The following CDH18 variants were observed in gnomAD, a reference collection of about 807,000 sequenced individuals.
The protein encoded by CDH18 is cadherin-18.
CDH18 carries 31 observed loss-of-function variants against 67.9 expected under a neutral mutation model. The ratio of observed to expected loss-of-function variants is 0.46; its 90% CI spans 0.34 to 0.62. The LOEUF (loss-of-function observed/expected upper bound fraction) is 0.62. Among genes scored for constraint, CDH18 ranks in the 20% least tolerant of loss-of-function variants. The pLI is 0.01. For synonymous variants in CDH18, 362 were observed against 347.2 expected, an observed-to-expected ratio of 1.04 and a Z score of -0.48; for missense variants, 890 against 975.5, an observed-to-expected ratio of 0.91 and a Z score of 1.17.
intron 2 of CDH18, among the ~76,000 whole-genome samples, chr5:20,211,157 G>T (rs1436008688): frequency 6.6e-6 from 1 of 152,044 alleles, no homozygotes; most frequent in Non-Finnish European, 1.5e-5. Flanking sequence ...CCTATTAAGT[G>T]TCCAATAGCA....
chr5:19,960,546 CGT>C (rs377666674), intron 2 of CDH18, among the ~76,000 whole-genome samples: 33 of 128,064 alleles, frequency 2.6e-4, no homozygotes, highest in African/African-American at 1.1e-3. Context: ...GTTTAATATA[CGT>C]GTGTGTGTGT....
intron 1 of CDH18, among the ~76,000 whole-genome samples, chr5:20,535,481 C>G (rs56306840): frequency 0.17 from 26,502 of 152,026 alleles, 2,835 homozygotes; most frequent in East Asian, 0.38. Context: ...CCAGCTTTAA[C>G]ATCCATAACT....
At chr5:20,281,087 T>C (rs1746227413) in intron 1 of CDH18, among the ~76,000 whole-genome samples, 1 of 152,180 alleles carries the variant, frequency 6.6e-6, no homozygotes, top group South Asian at 2.1e-4. Flanking sequence ...GTTTGAGTTC[T>C]TTGTGGATTC....
At chr5:20,286,459 T>C (rs1022883871) in intron 1 of CDH18, among the ~76,000 whole-genome samples, 3 of 151,756 alleles carry the variant, frequency 2.0e-5, no homozygotes, top group African/African-American at 2.4e-5. Flanking sequence ...CCATCATGCA[T>C]ATATTTTAAT....
At chr5:19,787,806 C>T (rs1775965676) in intron 3 of CDH18, among the ~76,000 whole-genome samples, 2 of 96,592 alleles carry the variant, frequency 2.1e-5, no homozygotes, top group Non-Finnish European at 4.1e-5. Flanking sequence ...CAGTAATTTA[C>T]AGTTATATAT....
intron 8 of CDH18, among the ~76,000 whole-genome samples, chr5:19,563,491 G>C (rs570645962): frequency 2.0e-5 from 3 of 152,216 alleles, no homozygotes; most frequent in African/African-American, 7.2e-5. Flanking sequence ...CTAGCTTCTT[G>C]TTTTCAACAT....
chr5:20,305,539 G>A, intron 1 of CDH18: 2 of 795,966 alleles, frequency 2.5e-6, no homozygotes, highest in Non-Finnish European at 4.3e-6. Flanking sequence ...GTCTCGAGCG[G>A]CTGGTGGTCG....
intron 1 of CDH18, among the ~76,000 whole-genome samples, chr5:20,296,166 G>A (rs565659178): frequency 1.9e-3 from 281 of 146,854 alleles, no homozygotes; most frequent in African/African-American, 6.6e-3. Flanking sequence ...CAGCCATCGC[G>A]CCTGGCCGAC....
chr5:19,590,748 T>G (rs1444374917), intron 7 of CDH18, among the ~76,000 whole-genome samples: 2 of 152,134 alleles, frequency 1.3e-5, no homozygotes, highest in African/African-American at 4.8e-5. Context: ...GAAATTACTT[T>G]TATTTAATTC....
chr5:19,743,078 T>C (rs1322080649), intron 4 of CDH18, among the ~76,000 whole-genome samples: 3 of 152,212 alleles, frequency 2.0e-5, no homozygotes, highest in African/African-American at 7.2e-5. Context: ...ATATCTTCTG[T>C]GCATGTACAT....
chr5:20,282,296 T>G (rs575233100), intron 1 of CDH18, among the ~76,000 whole-genome samples: 4 of 152,302 alleles, frequency 2.6e-5, no homozygotes, highest in Non-Finnish European at 5.9e-5. Flanking sequence ...CGTGCCAGTT[T>G]TCAAAGGGAA....
intron 3 of CDH18, among the ~76,000 whole-genome samples, chr5:19,798,571 TC>T (rs945650109): frequency 6.6e-6 from 1 of 151,828 alleles, no homozygotes; most frequent in African/African-American, 2.4e-5. Flanking sequence ...ATGCTTTTTT[TC>T]CCTCATATTT....
At chr5:19,750,886 T>C (rs1335829838) in intron 3 of CDH18, among the ~76,000 whole-genome samples, 1 of 151,802 alleles carries the variant, frequency 6.6e-6, no homozygotes, top group East Asian at 1.9e-4. Flanking sequence ...TGTATTTTCA[T>C]GCTGAAAGAT....
intron 9 of CDH18, among the ~76,000 whole-genome samples, chr5:19,532,887 A>G (rs1037379263): frequency 6.6e-6 from 1 of 152,218 alleles, no homozygotes; most frequent in Non-Finnish European, 1.5e-5. Context: ...GACTATAGTC[A>G]TCATTCCAAA....
chr5:20,439,844 A>G (rs1428698022), intron 1 of CDH18, among the ~76,000 whole-genome samples: 1 of 151,798 alleles, frequency 6.6e-6, no homozygotes, highest in Admixed American at 6.6e-5. Flanking sequence ...TTTAAAACAA[A>G]TGAGAAATTA....
intron 2 of CDH18, among the ~76,000 whole-genome samples, chr5:20,156,462 G>C (rs966790482): frequency 1.3e-5 from 2 of 152,136 alleles, no homozygotes; most frequent in African/African-American, 4.8e-5. Context: ...ATTATCCTAA[G>C]AGAAATAACT....
intron 1 of CDH18, among the ~76,000 whole-genome samples, chr5:20,336,644 A>G (rs1379799014): frequency 1.4e-5 from 2 of 141,284 alleles, no homozygotes; most frequent in Non-Finnish European, 3.0e-5. Flanking sequence ...AATGGCGTGA[A>G]CCCGGGAGGC....
chr5:19,655,384 T>G (rs1756211655), intron 5 of CDH18, among the ~76,000 whole-genome samples: 1 of 151,728 alleles, frequency 6.6e-6, no homozygotes, highest in Non-Finnish European at 1.5e-5. Context: ...TTAGAGTTGT[T>G]AGAGTTGTTG....
chr5:19,725,084 G>A (rs530738451), intron 4 of CDH18, among the ~76,000 whole-genome samples: 13 of 151,982 alleles, frequency 8.6e-5, no homozygotes, highest in African/African-American at 2.9e-4. Context: ...CCGCCACCAC[G>A]CCTGGCTAAA....
Sources: allele counts gnomAD v4.1 joint callset (sites outside exome capture counted in the v4.1 genomes callset), GRCh38; gene constraint gnomAD v4.1.1; transcripts MANE v1.5; gene names NCBI Gene and HGNC (gene_info 2026-07-23, HGNC 2026-07-21).